Variants in HTR7 observed in about 807,000 individuals in gnomAD.
The protein encoded by HTR7 is 5-HT-7.
Under a neutral mutation model 34.0 loss-of-function variants are expected in HTR7, and 16 were observed. The observed-to-expected ratio is 0.47, with a 90% CI of 0.32 to 0.71. HTR7 has a LOEUF of 0.71. HTR7 is among the 30% of genes least tolerant of loss of function. HTR7 has a pLI of 0.04. For missense variants in HTR7, 504 were observed against 625.5 expected, an observed-to-expected ratio of 0.81 and a Z score of 2.07; for synonymous variants, 265 against 260.2, an observed-to-expected ratio of 1.02 and a Z score of -0.18.
intron 1 of HTR7, among the ~76,000 whole-genome samples, chr10:90,809,192 C>A (rs563819399): frequency 2.0e-5 from 3 of 152,320 alleles, no homozygotes; most frequent in African/African-American, 7.2e-5. Context: ...CCCCTCCTGA[C>A]ACCCGGTCTG....
At chr10:90,798,722 A>T (rs1459612084) in intron 1 of HTR7, among the ~76,000 whole-genome samples, 5 of 152,180 alleles carry the variant, frequency 3.3e-5, no homozygotes, top group Admixed American at 2.6e-4. Flanking sequence ...CCACTGCAAA[A>T]TTATAACTGA....
chr10:90,750,007 T>A (rs73312278), intron 1 of HTR7, among the ~76,000 whole-genome samples: 78 of 152,326 alleles, frequency 5.1e-4, no homozygotes, highest in African/African-American at 1.8e-3. Context: ...ACTCTGGTAT[T>A]ATACACCCAG....
At chr10:90,811,953 C>T (rs947407991) in intron 1 of HTR7, among the ~76,000 whole-genome samples, 1 of 152,206 alleles carries the variant, frequency 6.6e-6, no homozygotes, top group Non-Finnish European at 1.5e-5. Context: ...AGTAGTTTTT[C>T]AGGCTCTTAG....
intron 1 of HTR7, among the ~76,000 whole-genome samples, chr10:90,839,957 C>G (rs772379498): frequency 6.6e-6 from 1 of 151,816 alleles, no homozygotes; most frequent in Non-Finnish European, 1.5e-5. Flanking sequence ...TCTTAATTTA[C>G]CCTCAACTAG....
At chr10:90,754,908 T>C (rs1255298602) in intron 1 of HTR7, among the ~76,000 whole-genome samples, 2 of 152,212 alleles carry the variant, frequency 1.3e-5, no homozygotes, top group African/African-American at 4.8e-5. Context: ...CTCCAGGAGA[T>C]TCCTCCCTTG....
At chr10:90,765,459 T>C (rs1267442965) in intron 1 of HTR7, among the ~76,000 whole-genome samples, 1 of 152,088 alleles carries the variant, frequency 6.6e-6, no homozygotes, top group African/African-American at 2.4e-5. Flanking sequence ...TTTGTTGATT[T>C]ATCTTTTCCA....
At chr10:90,844,725 TCAAA>T (rs1164911936) in intron 1 of HTR7, among the ~76,000 whole-genome samples, 32 of 27,792 alleles carry the variant, frequency 1.2e-3, no homozygotes, top group Non-Finnish European at 2.2e-3. Flanking sequence ...AGACTCCGTC[TCAAA>T]AAAAAAAAAA....
chr10:90,798,967 G>A (rs1845582223), intron 1 of HTR7, among the ~76,000 whole-genome samples: 1 of 152,140 alleles, frequency 6.6e-6, no homozygotes, highest in Non-Finnish European at 1.5e-5. Flanking sequence ...TATGGTTTAG[G>A]AGTCATGTAG....
At position 90,745,887 on chromosome 10, in the gene HTR7, C is replaced by A. The variant is rs560370822; in HGVS notation, c.1296-2197G>T. ...AAGCTTAAAATATTTACCACTTGGCCCTTCACAGTTAAAGTTTGCTGACCT... is the reference window on the plus strand; with the variant it reads ...AAGCTTAAAATATTTACCACTTGGCACTTCACAGTTAAAGTTTGCTGACCT... On this transcript the variant is annotated intron_variant, in intron 2 of 3. Transcript: ENST00000336152. Among the ~76,000 whole-genome samples, 3 of 152,238 alleles carry A rather than the reference C, an allele frequency of 2.0e-5. No homozygotes were observed. In the South Asian group the frequency reaches 6.2e-4, roughly 32 times the overall value.
chr10:90,831,976 C>T (rs1470522858), intron 1 of HTR7, among the ~76,000 whole-genome samples: 1 of 152,196 alleles, frequency 6.6e-6, no homozygotes, highest in Non-Finnish European at 1.5e-5. Flanking sequence ...AAACCCTGAG[C>T]TAGACATAGG....
Position 90,763,096 on chromosome 10 carries a change from C to T in HTR7, c.540-13502G>A, listed in dbSNP as rs1844965833. ...TGCCTCGAGCTTTATTCTTCTTTCTCATGATTGCTTTGTCTGTCTGGGGTC... is the reference window on the plus strand; with the variant it reads ...TGCCTCGAGCTTTATTCTTCTTTCTTATGATTGCTTTGTCTGTCTGGGGTC... On this transcript the variant is annotated intron_variant, in intron 1 of 3. Transcript: ENST00000336152. Among the ~76,000 whole-genome samples, 3 of 152,128 alleles carry T rather than the reference C, an allele frequency of 2.0e-5. No homozygotes were observed. In the South Asian group the frequency reaches 6.2e-4, roughly 31 times the overall value.
intron 1 of HTR7, among the ~76,000 whole-genome samples, chr10:90,836,255 C>A (rs1166891665): frequency 6.6e-6 from 1 of 152,060 alleles, no homozygotes; most frequent in African/African-American, 2.4e-5. Context: ...AGGTTTTTCC[C>A]AAAGGTAAAC....
intron 1 of HTR7, among the ~76,000 whole-genome samples, chr10:90,772,779 T>G (rs755655548): frequency 7.2e-5 from 11 of 152,340 alleles, no homozygotes; most frequent in Non-Finnish European, 4.4e-5. Flanking sequence ...ATGTTTTTAT[T>G]AAATACTAGC....
At chr10:90,751,014 A>G (rs1228571885) in intron 1 of HTR7, among the ~76,000 whole-genome samples, 1 of 152,092 alleles carries the variant, frequency 6.6e-6, no homozygotes, top group Non-Finnish European at 1.5e-5. Flanking sequence ...GAAGGGGAAA[A>G]CCTGAGGCCA....
At chr10:90,829,473 C>T (rs1294824344) in intron 1 of HTR7, among the ~76,000 whole-genome samples, 1 of 151,854 alleles carries the variant, frequency 6.6e-6, no homozygotes, top group African/African-American at 2.4e-5. Flanking sequence ...TTTGCTGCAC[C>T]CTTCAACCTG....
chr10:90,823,914 G>C (rs1470140333), intron 1 of HTR7, among the ~76,000 whole-genome samples: 1 of 152,202 alleles, frequency 6.6e-6, no homozygotes, highest in South Asian at 2.1e-4. Flanking sequence ...CTTCTGCCAT[G>C]ATTTTAAGTT....
At chr10:90,778,900 C>CA (rs1845264619) in intron 1 of HTR7, among the ~76,000 whole-genome samples, 1 of 152,220 alleles carries the variant, frequency 6.6e-6, no homozygotes, top group African/African-American at 2.4e-5. Flanking sequence ...TCTCCAGATA[C>CA]AACTTCAAAA....
chr10:90,820,284 C>A (rs1241192074), intron 1 of HTR7, among the ~76,000 whole-genome samples: 1 of 151,782 alleles, frequency 6.6e-6, no homozygotes, highest in East Asian at 1.9e-4. Context: ...GGAGTGATGG[C>A]TTTTTGATTT....
At chr10:90,793,998 C>T (rs1053578502) in intron 1 of HTR7, among the ~76,000 whole-genome samples, 1 of 152,204 alleles carries the variant, frequency 6.6e-6, no homozygotes, top group Non-Finnish European at 1.5e-5. Flanking sequence ...TGGTGCCCAG[C>T]CAGTTGAGGG....
Sources: allele counts gnomAD v4.1 joint callset (sites outside exome capture counted in the v4.1 genomes callset), GRCh38; gene constraint gnomAD v4.1.1; transcripts MANE v1.5; gene names NCBI Gene and HGNC (gene_info 2026-07-23, HGNC 2026-07-21).